The following MPHOSPH9 variants were observed in gnomAD, a reference collection of about 807,000 sequenced individuals.
The protein encoded by MPHOSPH9 is M-phase phosphoprotein 9.
MPHOSPH9 carries 88 observed loss-of-function variants against 145.5 expected under a neutral mutation model. That is an observed-to-expected ratio of 0.60 (90% CI 0.51 to 0.72). The LOEUF (loss-of-function observed/expected upper bound fraction) is 0.72, where lower values mean the gene tolerates loss of function less well. Among genes scored for constraint, MPHOSPH9 ranks in the 30% least tolerant of loss-of-function variants. MPHOSPH9 has a pLI of 0.00. For synonymous variants in MPHOSPH9, 435 were observed against 486.2 expected (o/e 0.89, Z 1.39); for missense variants, 1,238 against 1,386.6 (o/e 0.89, Z 1.70).
chr12:123,205,979 C>T (rs1311308583), intron 8 of MPHOSPH9, among the ~76,000 whole-genome samples: 3 of 152,068 alleles, frequency 2.0e-5, no homozygotes, highest in Admixed American at 1.3e-4. Flanking sequence ...GAATCAGACA[C>T]GTTTAGCAAC....
upstream of MPHOSPH9, among the ~76,000 whole-genome samples, chr12:123,235,498 G>A (rs1189190828): frequency 6.6e-6 from 1 of 151,804 alleles, no homozygotes; most frequent in African/African-American, 2.4e-5. Flanking sequence ...CCTAGTAGCT[G>A]AGACTACAGG....
At chr12:123,186,151 CG>C (rs1256518870) in intron 13 of MPHOSPH9, among the ~76,000 whole-genome samples, 3 of 148,474 alleles carry the variant, frequency 2.0e-5, no homozygotes, top group Non-Finnish European at 3.0e-5. Context: ...TGCTTGAACC[CG>C]GGAGGCGGAG....
chr12:123,176,483 C>T (rs1378370486), intron 16 of MPHOSPH9, among the ~76,000 whole-genome samples: 1 of 152,116 alleles, frequency 6.6e-6, no homozygotes, highest in Non-Finnish European at 1.5e-5. Context: ...TCCAAGGATC[C>T]CAATTTGATC....
At chr12:123,211,051 C>G (rs1358646542) in intron 7 of MPHOSPH9, among the ~76,000 whole-genome samples, 1 of 142,674 alleles carries the variant, frequency 7.0e-6, no homozygotes, top group Admixed American at 7.4e-5. Flanking sequence ...ATGGCACGAG[C>G]TCGGCTCACT....
intron 4 of MPHOSPH9, 22 bp from the exon 5 acceptor site, chr12:123,221,917 T>C: frequency 7.4e-7 from 1 of 1,357,566 alleles, no homozygotes. Flanking sequence ...AAGTTATAGA[T>C]TTGGGTAAGA....
intron 4 of MPHOSPH9, 59 bp from the exon 5 acceptor site, chr12:123,221,954 G>C: frequency 1.2e-6 from 1 of 864,726 alleles, no homozygotes; most frequent in East Asian, 2.7e-5. Flanking sequence ...ATATTTTTAT[G>C]ACTGTTACAA....
chr12:123,196,225 C>G (rs577933066), intron 12 of MPHOSPH9, among the ~76,000 whole-genome samples: 2 of 152,156 alleles, frequency 1.3e-5, no homozygotes, highest in South Asian at 4.1e-4. Context: ...TGGTGGGCAC[C>G]TGTAATCCCA....
At chr12:123,190,134 C>T (rs2045612520) in intron 13 of MPHOSPH9, among the ~76,000 whole-genome samples, 2 of 151,074 alleles carry the variant, frequency 1.3e-5, no homozygotes, top group South Asian at 4.2e-4. Flanking sequence ...ATGTCAACTG[C>T]ATTTTGTAGT....
intron 15 of MPHOSPH9, among the ~76,000 whole-genome samples, chr12:123,179,592 A>C (rs531078190): frequency 1.2e-4 from 19 of 152,166 alleles, no homozygotes; most frequent in African/African-American, 1.7e-4. Flanking sequence ...ACAACAACAA[A>C]AAATCAGCCA....
chr12:123,191,178 G>A (rs144186691), intron 13 of MPHOSPH9, among the ~76,000 whole-genome samples: 2 of 152,020 alleles, frequency 1.3e-5, no homozygotes, highest in African/African-American at 2.4e-5. Context: ...AAAATTAGCC[G>A]GGCATGGTGG....
upstream of MPHOSPH9, among the ~76,000 whole-genome samples, chr12:123,237,878 T>C (rs1039858267): frequency 3.3e-5 from 5 of 150,238 alleles, no homozygotes; most frequent in Admixed American, 2.1e-4. Context: ...TTAACTACCA[T>C]TTTACAGACA....
At chr12:123,168,709 CCCT>C (rs74833543) in intron 16 of MPHOSPH9, among the ~76,000 whole-genome samples, 81,935 of 151,524 alleles carry the variant, frequency 0.54, 26,700 homozygotes, top group Non-Finnish European at 0.71. Context: ...ACCCTTTCCA[CCCT>C]CCTCAAACCT....
upstream of MPHOSPH9, among the ~76,000 whole-genome samples, chr12:123,235,408 TTG>T (rs3038484): frequency 6.6e-6 from 1 of 150,944 alleles, no homozygotes. Context: ...GTAGTGAGTT[TTG>T]TGTGTGTGTG....
Position 123,202,678 on chromosome 12 carries a change from C to T in MPHOSPH9, c.1727G>A (p.Ser576Asn). The T allele has an allele frequency of 6.2e-7, 1 of 1,614,130 alleles. No individual in the cohort carries two copies. The highest frequency in any genetic ancestry group is 8.5e-7 in the Non-Finnish European group (1 of 1,180,008). The change falls in exon 10 of 24, where the codon AGT (serine) becomes AAT (asparagine). Residue 576 changes from serine (S) to asparagine (N), a missense_variant. Physicochemically the swap from Ser to Asn is conservative, Grantham distance 46. Coordinates refer to ENST00000606320, the MANE Select transcript of MPHOSPH9 (RefSeq NM_022782.4). The stretch of plus-strand genomic sequence containing the variant: ...AGTCAATGAAATGCATTCTGGGACA[C>T]TGTTGGCTGTACCTGGAAGCTGGGA... ...SQSQLPGTAN[S>N]VPECISLTSL...
intron 15 of MPHOSPH9, among the ~76,000 whole-genome samples, chr12:123,179,401 C>G (rs1406436060): frequency 1.3e-5 from 2 of 152,198 alleles, no homozygotes; most frequent in African/African-American, 2.4e-5. Context: ...TGGCGAAACC[C>G]TGTCTCTATC....
intron 1 of MPHOSPH9, among the ~76,000 whole-genome samples, chr12:123,240,071 A>C (rs953488109): frequency 6.6e-6 from 1 of 152,118 alleles, no homozygotes; most frequent in Non-Finnish European, 1.5e-5. Context: ...CTGGTTAGAA[A>C]TGCAGAGCCT....
At chr12:123,180,161 G>A (rs1294338182) in intron 14 of MPHOSPH9, among the ~76,000 whole-genome samples, 171 bp from the exon 15 acceptor site, 1 of 152,036 alleles carries the variant, frequency 6.6e-6, no homozygotes, top group Non-Finnish European at 1.5e-5. Context: ...GAAAACAAAT[G>A]AGAGCAAAGC....
intron 13 of MPHOSPH9, among the ~76,000 whole-genome samples, chr12:123,189,113 T>C (rs2045569976): frequency 6.6e-6 from 1 of 152,172 alleles, no homozygotes; most frequent in South Asian, 2.1e-4. Flanking sequence ...AATGTAGCTG[T>C]TGGGATGCTC....
At chr12:123,153,862 A>G (rs1200000576), downstream of MPHOSPH9, among the ~76,000 whole-genome samples, 1 of 151,792 alleles carries the variant, frequency 6.6e-6, no homozygotes, top group African/African-American at 2.4e-5. Flanking sequence ...ACTAAGCACC[A>G]GGCACTTTAC....
Sources: gnomAD v4.1 joint callset for allele counts (sites outside exome capture counted in the v4.1 genomes callset) on GRCh38, gnomAD v4.1.1 for gene constraint, MANE v1.5 for transcripts, NCBI Gene and HGNC (gene_info 2026-07-23, HGNC 2026-07-21) for gene names.